The following TENM2 variants were observed in gnomAD, a reference collection of about 807,000 sequenced individuals.
The protein encoded by TENM2 is teneurin-2.
A neutral mutation model predicts 245.2 loss-of-function variants in TENM2; 52 were observed. That is an observed-to-expected ratio of 0.21 (90% confidence interval 0.17 to 0.27). The LOEUF is 0.27. Ranked by LOEUF, TENM2 falls within the 10% of genes least tolerant of loss-of-function variation. The probability of loss-of-function intolerance (pLI) is 1.00; values close to 1 mark genes in which losing one functional copy is unlikely to be tolerated. For missense variants in TENM2, 3,046 were observed against 3,666.8 expected, an observed-to-expected ratio of 0.83 and a Z score of 4.37; for synonymous variants, 1,363 against 1,438.9, an observed-to-expected ratio of 0.95 and a Z score of 1.19.
intron 3 of TENM2, among the ~76,000 whole-genome samples, chr5:167,916,497 A>G (rs1278026142): frequency 6.6e-6 from 1 of 152,096 alleles, no homozygotes; most frequent in Non-Finnish European, 1.5e-5. Flanking sequence ...GGGAGCAACT[A>G]CAAAGCTGTT....
intron 4 of TENM2, 32 bp from the exon 7 acceptor site, chr5:167,992,912 G>A (rs1462036057): frequency 1.3e-6 from 2 of 1,573,170 alleles, no homozygotes; most frequent in Non-Finnish European, 1.7e-6. Context: ...GGCTACCCAT[G>A]ACCACTCTGA....
intron 3 of TENM2, chr5:167,934,906 C>G (rs1045549735): frequency 1.0e-6 from 1 of 985,384 alleles, no homozygotes; most frequent in Non-Finnish European, 1.2e-6. Context: ...GCTGCACTGC[C>G]CTTGAGTCGT....
At chr5:167,977,573 T>C (rs1222105413) in intron 4 of TENM2, among the ~76,000 whole-genome samples, 1 of 152,180 alleles carries the variant, frequency 6.6e-6, no homozygotes, top group East Asian at 1.9e-4. Flanking sequence ...TAAGACATTT[T>C]CTAAGGTATG....
chr5:167,674,423 C>T (rs1756171537), intron 2 of TENM2, among the ~76,000 whole-genome samples: 1 of 152,240 alleles, frequency 6.6e-6, no homozygotes, highest in Middle Eastern at 3.4e-3. Context: ...AAGTCAAATA[C>T]AGAAACCCAT....
intron 5 of TENM2, among the ~76,000 whole-genome samples, chr5:168,019,079 GAAAT>G (rs1785917431): frequency 1.3e-5 from 2 of 152,230 alleles, no homozygotes; most frequent in Non-Finnish European, 2.9e-5. Context: ...AAAGAGGGGA[GAAAT>G]ACCTTTCAGG....
chr5:168,145,087 G>C (rs1278342208), intron 12 of TENM2, among the ~76,000 whole-genome samples: 1 of 150,866 alleles, frequency 6.6e-6, no homozygotes, highest in South Asian at 2.1e-4. Flanking sequence ...TTAGCCCTTT[G>C]TCAGATGAGT....
chr5:167,783,149 T>C (rs1764311800), intron 2 of TENM2, among the ~76,000 whole-genome samples: 2 of 151,572 alleles, frequency 1.3e-5, no homozygotes, highest in Admixed American at 1.3e-4. Context: ...AGATGAAACA[T>C]TGATTGGCTT....
At chr5:168,103,273 T>G (rs1335492426) in intron 9 of TENM2, among the ~76,000 whole-genome samples, 1 of 152,206 alleles carries the variant, frequency 6.6e-6, no homozygotes, top group African/African-American at 2.4e-5. Context: ...AACACAGAGT[T>G]TCCATACAGA....
At chr5:167,631,439 C>T (rs531000562) in intron 2 of TENM2, among the ~76,000 whole-genome samples, 19 of 152,116 alleles carry the variant, frequency 1.2e-4, no homozygotes, top group South Asian at 2.1e-4. Flanking sequence ...ACCTGTTGGG[C>T]GTGTCCAGAA....
At chr5:167,921,018 G>A (rs910908379) in intron 3 of TENM2, among the ~76,000 whole-genome samples, 1 of 152,076 alleles carries the variant, frequency 6.6e-6, no homozygotes, top group Non-Finnish European at 1.5e-5. Flanking sequence ...ATAGGCTATG[G>A]ATTAAATATG....
intron 5 of TENM2, among the ~76,000 whole-genome samples, chr5:168,039,137 C>T (rs1337873999): frequency 2.6e-5 from 4 of 152,172 alleles, no homozygotes; most frequent in African/African-American, 9.7e-5. Flanking sequence ...TCTCTTTGTT[C>T]CAGTGCTCAT....
chr5:167,356,384 T>C (rs1215643942), intron 1 of TENM2, among the ~76,000 whole-genome samples: 1 of 152,036 alleles, frequency 6.6e-6, no homozygotes, highest in Non-Finnish European at 1.5e-5. Flanking sequence ...TGTTGCATCC[T>C]AAGGCAGTGG....
At chr5:167,394,968 T>C (rs1042465221) in intron 2 of TENM2, among the ~76,000 whole-genome samples, 3 of 152,324 alleles carry the variant, frequency 2.0e-5, no homozygotes, top group Admixed American at 6.5e-5. Context: ...GCTTTGGCTT[T>C]GAACCAAGAT....
rs141837538 is a variant in TENM2, at chr5:167,546,229, G to A, written c.502+170756G>A. ...GGACCACCTAATGGAGAACACATCC[G>A]GGCCAAGTTATTCATCTCAATTGTT... On this transcript the variant is annotated intron_variant, in intron 2 of 28. Transcript: ENST00000518659. Among the ~76,000 whole-genome samples the A allele has an allele frequency of 1.6e-4, 24 of 152,242 alleles. No individual in the cohort carries two copies. The East Asian group carries it at 4.1e-3, about 26-fold the overall frequency.
At chr5:167,245,427 A>G in the TENM2 span, among the ~76,000 whole-genome samples, 2 of 152,276 alleles carry the variant, frequency 1.3e-5, no homozygotes, top group East Asian at 3.9e-4. Context: ...CAGAAATGAC[A>G]CAAACTTTCT....
the TENM2 span, among the ~76,000 whole-genome samples, chr5:167,125,077 T>A: frequency 6.6e-6 from 1 of 152,202 alleles, no homozygotes; most frequent in Non-Finnish European, 1.5e-5. Context: ...GCCAAGTTCT[T>A]TTGGGTCATA....
At chr5:167,181,502 G>GTA in the TENM2 span, among the ~76,000 whole-genome samples, 928 of 144,076 alleles carry the variant, frequency 6.4e-3, 9 homozygotes, top group African/African-American at 0.022. Flanking sequence ...GTGTGTGTGT[G>GTA]TATGTGTATT....
chr5:167,728,833 G>A (rs1582857398), intron 2 of TENM2: 1 of 152,256 alleles, frequency 6.6e-6, no homozygotes, highest in African/African-American at 2.4e-5. Context: ...TGGCACTGAA[G>A]AGGAGATTCA....
chr5:167,105,741 A>C, the TENM2 span, among the ~76,000 whole-genome samples: 8 of 149,660 alleles, frequency 5.3e-5, no homozygotes, highest in African/African-American at 2.0e-4. Flanking sequence ...ACAAAAAATT[A>C]GCCGGGCGTA....
Sources: gnomAD v4.1 joint callset for allele counts (sites outside exome capture counted in the v4.1 genomes callset) on GRCh38, gnomAD v4.1.1 for gene constraint, MANE v1.5 for transcripts, NCBI Gene and HGNC (gene_info 2026-07-23, HGNC 2026-07-21) for gene names.